Variants in ASB2 observed in about 807,000 individuals in gnomAD.
ASB2 encodes ankyrin repeat and SOCS box containing 2.
ASB2 carries 58 observed loss-of-function variants against 62.4 expected under a neutral mutation model. The ratio of observed to expected loss-of-function variants is 0.93; its 90% confidence interval spans 0.75 to 1.16. The LOEUF (loss-of-function observed/expected upper bound fraction) is 1.16, where lower values mean the gene tolerates loss of function less well. Ranked by LOEUF, ASB2 falls within the 50% of genes most tolerant of loss-of-function variation. The pLI is 0.00. For synonymous variants in ASB2, 386 were observed against 385.3 expected, an observed-to-expected ratio of 1.00 and a Z score of -0.02; for missense variants, 928 against 887.9, an observed-to-expected ratio of 1.05 and a Z score of -0.57.
At chr14:93,942,256 A>G in intron 7 of ASB2, 1 of 456,104 alleles carries the variant, frequency 2.2e-6, no homozygotes, top group Non-Finnish European at 4.4e-6. Flanking sequence ...GAAGAGGAAC[A>G]AAGGTGACTA....
chr14:93,954,047 G>T (rs1157381902), intron 4 of ASB2: 2 of 527,626 alleles, frequency 3.8e-6, no homozygotes, highest in Non-Finnish European at 6.7e-6. Context: ...GAACAAGTTG[G>T]CAGTGGTTCT....
At chr14:93,952,142 C>T (rs1234338666) in intron 5 of ASB2, among the ~76,000 whole-genome samples, 4 of 152,254 alleles carry the variant, frequency 2.6e-5, no homozygotes, top group Non-Finnish European at 5.9e-5. Flanking sequence ...GCCAAGCCTT[C>T]TACCTCTCTA....
At chr14:93,943,400 T>C (rs1425896907) in intron 7 of ASB2, among the ~76,000 whole-genome samples, 1 of 152,158 alleles carries the variant, frequency 6.6e-6, no homozygotes, top group Non-Finnish European at 1.5e-5. Flanking sequence ...ATCGGAGCAC[T>C]TTGGGAGGCT....
At chr14:93,943,760 A>T in intron 7 of ASB2, 1 of 336,254 alleles carries the variant, frequency 3.0e-6, no homozygotes, top group Admixed American at 4.0e-5. Flanking sequence ...CTTGTTTTCT[A>T]TGAAGTCTTG....
chr14:93,948,983 T>C (rs1279759614), intron 6 of ASB2, among the ~76,000 whole-genome samples: 5 of 152,260 alleles, frequency 3.3e-5, no homozygotes, highest in African/African-American at 1.2e-4. Context: ...TAATCCATGC[T>C]GCTAGAAGGA....
intron 3 of ASB2, chr14:93,955,027 C>T (rs549342003): frequency 4.8e-5 from 22 of 456,762 alleles, no homozygotes; most frequent in South Asian, 1.1e-4. Context: ...AAAGTGAAGC[C>T]GTTCCTTGCT....
intron 1 of ASB2, among the ~76,000 whole-genome samples, chr14:93,967,914 C>T (rs1253568819): frequency 1.3e-5 from 2 of 152,168 alleles, no homozygotes; most frequent in East Asian, 3.8e-4. Context: ...CTTTTCTGGG[C>T]CTCAGTTCCT....
chr14:93,964,353 GGGCAGGTT>G lies in ASB2; in HGVS notation c.179_186del (p.Gln60ProfsTer13). ...GCTCACCTGGTCCATGGGTAGAAAT[GGGCAGGTT>G]GGCGGTTGGTACATGCAGACGCGGT... On this transcript the variant is annotated frameshift_variant, in exon 2 of 10. Coordinates refer to ENST00000555019, the MANE Select transcript of ASB2 (RefSeq NM_001202429.2). LOFTEE classifies it high-confidence loss of function. 1 of 1,536,174 alleles carries G rather than the reference GGGCAGGTT, an allele frequency of 6.5e-7. No homozygotes were observed. The highest frequency in any genetic ancestry group is 1.7e-4 in the Middle Eastern group (1 of 5,990).
chr14:93,954,987 A>G, intron 3 of ASB2: 1 of 452,902 alleles, frequency 2.2e-6, no homozygotes, highest in Non-Finnish European at 4.4e-6. Context: ...ACAGTTTAAA[A>G]CTTCTGAATG....
intron 1 of ASB2, among the ~76,000 whole-genome samples, chr14:93,975,723 G>T (rs1379164645): frequency 6.6e-6 from 1 of 152,168 alleles, no homozygotes; most frequent in African/African-American, 2.4e-5. Context: ...CAGGTCCCTT[G>T]ACTTCCCTGC....
chr14:93,956,752 C>G lies in ASB2; in HGVS notation c.311+14G>C. The stretch of plus-strand genomic sequence containing the variant: ...GAACTTGGATGGTCCTGGGGCCAGA[C>G]AGGAGTCACTTACGCCAGCTGGGAG... On this transcript the variant is annotated intron_variant, in intron 3 of 9. Coordinates refer to ENST00000555019, the MANE Select transcript of ASB2 (RefSeq NM_001202429.2). 6.2e-7 allele frequency: 1 copy of G among 1,614,054 alleles called. No individual in the cohort carries two copies.
chr14:93,939,816 G>T, intron 7 of ASB2, 144 bp from the exon 8 acceptor site: 2 of 601,414 alleles, frequency 3.3e-6, no homozygotes, highest in Non-Finnish European at 5.2e-6. Flanking sequence ...ACCGGCAGGG[G>T]GCGCCGCGGG....
chr14:93,946,489 T>C (rs972135818), intron 7 of ASB2, among the ~76,000 whole-genome samples: 1 of 152,228 alleles, frequency 6.6e-6, no homozygotes, highest in Admixed American at 6.5e-5. Context: ...TTTCCCCATG[T>C]AAATATTCCC....
rs745408745 is a variant in ASB2, at chr14:93,954,534, C to G, written c.312-51G>C. The G allele has an allele frequency of 6.4e-6, 10 of 1,566,170 alleles. No individual in the cohort carries two copies. The Admixed American group carries it at 1.0e-4, about 16-fold the overall frequency. On this transcript the variant is annotated intron_variant, in intron 3 of 9. Coordinates refer to ENST00000555019, the MANE Select transcript of ASB2 (RefSeq NM_001202429.2). Reference sequence around the variant, plus strand: ...CCTCAAGGTCAGGCCAAGGCCAGGCCAGGGGGCCTCTCTCTCAGGAGTGCT... The same window carrying G: ...CCTCAAGGTCAGGCCAAGGCCAGGCGAGGGGGCCTCTCTCTCAGGAGTGCT...
chr14:93,956,678 G>C, intron 3 of ASB2, 88 bp downstream of exon 3: 7 of 1,555,116 alleles, frequency 4.5e-6, no homozygotes, highest in Non-Finnish European at 6.2e-6. Context: ...GCCCTCCTGG[G>C]GGCTGTGGGC....
chr14:93,939,759 G>T, intron 7 of ASB2, 87 bp from the exon 8 acceptor site: 1 of 1,096,966 alleles, frequency 9.1e-7, no homozygotes, highest in Non-Finnish European at 1.2e-6. Flanking sequence ...GAGCTCGGGC[G>T]CCAGGCTCGG....
intron 5 of ASB2, 112 bp from the exon 6 acceptor site, chr14:93,951,356 G>T (rs1420638073): frequency 1.6e-6 from 2 of 1,285,938 alleles, no homozygotes; most frequent in African/African-American, 1.5e-5. Flanking sequence ...GCTTTCCACT[G>T]CATGTGTATT....
chr14:93,945,999 A>G (rs1438204512), intron 7 of ASB2, among the ~76,000 whole-genome samples: 1 of 152,220 alleles, frequency 6.6e-6, no homozygotes, highest in Admixed American at 6.5e-5. Context: ...TGGATAACAT[A>G]CTAGTGTGAT....
Position 93,951,003 on chromosome 14 carries a change from C to G in ASB2, c.876G>C (p.Lys292Asn), listed in dbSNP as rs1488125601. Residue 292 changes from lysine to asparagine, a missense_variant, in exon 6 of 10, where the codon AAG (lysine) becomes AAC (asparagine). Coordinates refer to ENST00000555019, the MANE Select transcript of ASB2 (RefSeq NM_001202429.2). ...TAGGGACCCTTAGCCACTCACCGTA[C>G]TTGGCTAAGAACCTCAAGGCCTCCA... ...GQLEALRFLA[K>N]YGADINTQAS... 6.2e-7 allele frequency: 1 copy of G among 1,613,124 alleles called. No individual in the cohort carries two copies. Among genetic ancestry groups the G allele is most frequent in the South Asian group, 1.1e-5 (1 of 90,890 alleles).
Sources: allele counts gnomAD v4.1 joint callset (sites outside exome capture counted in the v4.1 genomes callset), GRCh38; gene constraint gnomAD v4.1.1; transcripts MANE v1.5; gene names NCBI Gene and HGNC (gene_info 2026-07-23, HGNC 2026-07-21).